CAMTA1: variants seen among roughly 807,000 people sequenced by gnomAD.
CAMTA1 encodes calmodulin binding transcription activator 1.
In CAMTA1, 27 loss-of-function variants were observed where a neutral mutation model predicts 170.9. That is an observed-to-expected ratio of 0.16 (90% confidence interval 0.12 to 0.22). CAMTA1 has a LOEUF of 0.22. Among genes scored for constraint, CAMTA1 ranks in the 10% least tolerant of loss-of-function variants. The probability of loss-of-function intolerance (pLI) is 1.00; values close to 1 mark genes in which losing one functional copy is unlikely to be tolerated. For synonymous variants in CAMTA1, 833 were observed against 891.5 expected (o/e 0.93, Z 1.17); for missense variants, 1,619 against 2,217.2 (o/e 0.73, Z 5.42).
At chr1:7,215,157 T>G (rs1659531612) in intron 4 of CAMTA1, among the ~76,000 whole-genome samples, 1 of 103,616 alleles carries the variant, frequency 9.7e-6, no homozygotes, top group African/African-American at 3.3e-5. Flanking sequence ...CTTGTGATTA[T>G]CCTATTTTTT....
intron 5 of CAMTA1, among the ~76,000 whole-genome samples, chr1:7,279,519 C>G (rs894859752): frequency 6.6e-6 from 1 of 152,156 alleles, no homozygotes; most frequent in African/African-American, 2.4e-5. Context: ...CCGCAGCCAC[C>G]TTCTCGGCAG....
chr1:7,613,422 G>A (rs559508115), intron 6 of CAMTA1, among the ~76,000 whole-genome samples: 35 of 152,218 alleles, frequency 2.3e-4, no homozygotes, highest in African/African-American at 8.2e-4. Flanking sequence ...TGGCCTGGGT[G>A]GTCCCCCAGG....
At chr1:7,347,115 C>T (rs892440044) in intron 5 of CAMTA1, among the ~76,000 whole-genome samples, 1 of 152,168 alleles carries the variant, frequency 6.6e-6, no homozygotes, top group East Asian at 1.9e-4. Context: ...AGGAGAGATC[C>T]GGCTGCCTCA....
intron 6 of CAMTA1, among the ~76,000 whole-genome samples, chr1:7,497,940 G>A (rs1008508012): frequency 2.0e-5 from 3 of 152,188 alleles, no homozygotes; most frequent in Admixed American, 6.5e-5. Flanking sequence ...GGGGCTGCTC[G>A]GAAGACAGGC....
chr1:7,605,301 G>A (rs1156373075), intron 6 of CAMTA1, among the ~76,000 whole-genome samples: 1 of 152,224 alleles, frequency 6.6e-6, no homozygotes, highest in African/African-American at 2.4e-5. Context: ...ACAGAGGCAG[G>A]CAGGCCTCCT....
Position 7,224,479 on chromosome 1 carries a change from C to G in CAMTA1, c.303-25012C>G, listed in dbSNP as rs1389513012. ...TTCCCAACGAGATCCAAGAGCAAAA[C>G]AGTTTTCTGAAACTATTTTCCACTT... On this transcript the variant is annotated intron_variant, in intron 4 of 22. Coordinates refer to ENST00000303635, the MANE Select transcript of CAMTA1 (RefSeq NM_015215.4). The surrounding 1 kb of genome is among the most constrained non-coding windows in gnomAD (Gnocchi z 5.2). Among the ~76,000 whole-genome samples, 1 of 152,184 alleles carries G rather than the reference C, an allele frequency of 6.6e-6. No homozygotes were observed. The highest frequency in any genetic ancestry group is 2.4e-5 in the African/African-American group (1 of 41,460).
At chr1:7,587,999 G>A (rs960667639) in intron 6 of CAMTA1, among the ~76,000 whole-genome samples, 5 of 152,156 alleles carry the variant, frequency 3.3e-5, no homozygotes, top group East Asian at 1.9e-4. Flanking sequence ...ATCCCCTATC[G>A]GTGCCTGGCC....
In CAMTA1 at chr1:7,204,602, T is replaced by C. The variant is rs76453590; in HGVS notation, c.303-44889T>C. Among the ~76,000 whole-genome samples, 507 of 152,208 alleles carry C rather than the reference T, an allele frequency of 3.3e-3. 15 individuals carry two copies. In the East Asian group the frequency reaches 0.062, roughly 19 times the overall value. ...ATGGTCTATCCTGGATAATGTTTCA[T>C]GTACCCTTAAGAAGAATGTGTATAC... On this transcript the variant is annotated intron_variant, in intron 4 of 22. Coordinates refer to ENST00000303635, the MANE Select transcript of CAMTA1 (RefSeq NM_015215.4).
chr1:6,943,762 G>A (rs71631808), intron 3 of CAMTA1, among the ~76,000 whole-genome samples: 46,432 of 148,876 alleles, frequency 0.31, 7,854 homozygotes, highest in Non-Finnish European at 0.39. Flanking sequence ...CAGTAGAATC[G>A]CTTGAACCTG....
chr1:6,837,177 C>T (rs1264838035), intron 3 of CAMTA1, among the ~76,000 whole-genome samples: 4 of 152,014 alleles, frequency 2.6e-5, no homozygotes, highest in African/African-American at 7.2e-5. Context: ...AGGATGGGCT[C>T]GATCTCCTGA....
At chr1:6,793,813 A>G (rs1176749998) in intron 1 of CAMTA1, among the ~76,000 whole-genome samples, 2 of 152,208 alleles carry the variant, frequency 1.3e-5, no homozygotes, top group Non-Finnish European at 2.9e-5. Context: ...GTCATTTCTG[A>G]AGGTATATTA....
At chr1:7,701,577 C>G (rs911541498) in intron 11 of CAMTA1, among the ~76,000 whole-genome samples, 1 of 151,874 alleles carries the variant, frequency 6.6e-6, no homozygotes, top group African/African-American at 2.4e-5. Flanking sequence ...CACCACACCC[C>G]GCTAATTTTT....
intron 4 of CAMTA1, among the ~76,000 whole-genome samples, chr1:7,223,397 TGTGA>T (rs1661167469): frequency 1.3e-5 from 2 of 151,990 alleles, no homozygotes; most frequent in Non-Finnish European, 2.9e-5. Flanking sequence ...TGTATGTGTG[TGTGA>T]GTGTGTGATG....
intron 3 of CAMTA1, among the ~76,000 whole-genome samples, chr1:7,076,729 AAGC>A (rs1639350890): frequency 6.6e-6 from 1 of 152,114 alleles, no homozygotes; most frequent in African/African-American, 2.4e-5. Context: ...CTGCTTTCCC[AAGC>A]AGTGGCAACA....
At chr1:6,801,237 C>T (rs1230757793) in intron 1 of CAMTA1, among the ~76,000 whole-genome samples, 1 of 152,190 alleles carries the variant, frequency 6.6e-6, no homozygotes, top group Non-Finnish European at 1.5e-5. Flanking sequence ...TTTCCCACTG[C>T]AGCTTGTATG....
chr1:7,161,956 C>G (rs1279115693), intron 4 of CAMTA1, among the ~76,000 whole-genome samples: 2 of 152,112 alleles, frequency 1.3e-5, no homozygotes, highest in African/African-American at 2.4e-5. Flanking sequence ...GTGTGTCTCT[C>G]TGTGTCGGCA....
chr1:7,287,302 C>G (rs1376024300), intron 5 of CAMTA1, among the ~76,000 whole-genome samples: 3 of 152,258 alleles, frequency 2.0e-5, no homozygotes, highest in Admixed American at 1.3e-4. Context: ...ATATGGCCAT[C>G]ATTGTGAATT....
At position 7,065,218 on chromosome 1, in the gene CAMTA1, C is replaced by G. The variant is rs1708807768; in HGVS notation, c.235-26086C>G. 6.6e-6 allele frequency among the ~76,000 whole-genome samples: 1 copy of G among 151,928 alleles called. No homozygotes were observed. The highest frequency in any genetic ancestry group is 2.4e-5 in the African/African-American group (1 of 41,354). ...AACAACATCTGGCAGGGCTCAGGCACTTAGAGGGCAGGGGAAGGAGGAGGA... is the reference window on the plus strand; with the variant it reads ...AACAACATCTGGCAGGGCTCAGGCAGTTAGAGGGCAGGGGAAGGAGGAGGA... On this transcript the variant is annotated intron_variant, in intron 3 of 22. Transcript: ENST00000303635. This position sits in a 1 kb window ranked among gnomAD's most constrained non-coding sequence, Gnocchi z 5.2.
intron 3 of CAMTA1, among the ~76,000 whole-genome samples, chr1:7,027,143 A>G (rs2101035056): frequency 6.6e-6 from 1 of 152,252 alleles, no homozygotes; most frequent in South Asian, 2.1e-4. Flanking sequence ...GAGGGTGGGA[A>G]AACAGTTGAA....
Sources: allele counts gnomAD v4.1 joint callset (sites outside exome capture counted in the v4.1 genomes callset), GRCh38; gene constraint gnomAD v4.1.1; non-coding constraint Gnocchi (gnomAD v3.1); transcripts MANE v1.5; gene names NCBI Gene and HGNC (gene_info 2026-07-23, HGNC 2026-07-21).